The following DIAPH3 variants were observed in gnomAD, a reference collection of about 807,000 sequenced individuals.
DIAPH3 encodes diaphanous related formin 3.
DIAPH3 carries 117 observed loss-of-function variants against 144.3 expected under a neutral mutation model. The observed-to-expected ratio is 0.81, with a 90% CI of 0.70 to 0.95. The LOEUF (loss-of-function observed/expected upper bound fraction) is 0.95, where lower values mean the gene tolerates loss of function less well. DIAPH3 is among the 40% of genes least tolerant of loss of function. The probability of loss-of-function intolerance (pLI) is 0.00; values close to 1 mark genes in which losing one functional copy is unlikely to be tolerated. For synonymous variants in DIAPH3, 519 were observed against 488.9 expected (o/e 1.06, Z -0.81); for missense variants, 1,421 against 1,412.7 (o/e 1.01, Z -0.09).
chr13:59,928,781 T>C (rs1594023929), intron 17 of DIAPH3, among the ~76,000 whole-genome samples: 2 of 152,142 alleles, frequency 1.3e-5, no homozygotes, highest in Admixed American at 6.5e-5. Flanking sequence ...GGCATGTATA[T>C]GGATACCAGC....
chr13:59,771,619 T>C (rs1256178404), intron 27 of DIAPH3, among the ~76,000 whole-genome samples: 3 of 152,016 alleles, frequency 2.0e-5, no homozygotes, highest in Admixed American at 1.3e-4. Context: ...GGAAAGGAAT[T>C]AGACATGGAT....
At chr13:59,695,295 G>A (rs2033740741) in intron 27 of DIAPH3, 1 of 152,172 alleles carries the variant, frequency 6.6e-6, no homozygotes, top group Non-Finnish European at 1.5e-5. Flanking sequence ...GTGCACCCTG[G>A]TGCTTTTGTC....
chr13:60,094,243 C>T (rs2058040339), intron 3 of DIAPH3, among the ~76,000 whole-genome samples: 1 of 152,068 alleles, frequency 6.6e-6, no homozygotes, highest in African/African-American at 2.4e-5. Flanking sequence ...TGTCTTTTCC[C>T]TACTCTTATC....
At chr13:59,991,014 C>A (rs777813886) in intron 12 of DIAPH3, 144 bp downstream of exon 12, 1 of 606,360 alleles carries the variant, frequency 1.6e-6, no homozygotes, top group African/African-American at 1.9e-5. Flanking sequence ...TAAATATATG[C>A]CCAGAGAAAA....
At chr13:60,110,666 T>C (rs945938375) in intron 3 of DIAPH3, among the ~76,000 whole-genome samples, 4 of 152,158 alleles carry the variant, frequency 2.6e-5, no homozygotes, top group African/African-American at 4.8e-5. Context: ...CCTTAGCAAA[T>C]TGGACAGCCC....
chr13:59,776,134 A>G (rs910482022), intron 25 of DIAPH3, among the ~76,000 whole-genome samples: 8 of 152,214 alleles, frequency 5.3e-5, no homozygotes, highest in Non-Finnish European at 1.2e-4. Flanking sequence ...TTGATACACA[A>G]TCCCTTTACA....
chr13:60,092,106 A>G lies in DIAPH3; in HGVS notation c.495+1522T>C. On this transcript the variant is annotated intron_variant, in intron 4 of 27. Transcript: ENST00000400324. ...TCCTCCCACCTTGACTTCTCAAACC[A>G]CCATACCTGCCCATTTAACTCTGAT... Among the ~76,000 whole-genome samples the G allele has an allele frequency of 1.3e-5, 2 of 151,942 alleles. 1 individual carries two copies. The highest frequency in any genetic ancestry group is 3.9e-4 in the East Asian group (2 of 5,170).
At chr13:60,074,221 T>G (rs2057303888) in intron 4 of DIAPH3, among the ~76,000 whole-genome samples, 1 of 152,176 alleles carries the variant, frequency 6.6e-6, no homozygotes, top group Non-Finnish European at 1.5e-5. Context: ...AGGGCCCATA[T>G]ATCACATTGT....
intron 24 of DIAPH3, among the ~76,000 whole-genome samples, chr13:59,830,658 C>A (rs2041724738): frequency 6.6e-6 from 1 of 151,684 alleles, no homozygotes; most frequent in Non-Finnish European, 1.5e-5. Context: ...ATGCCAAAAC[C>A]CTCTAATCCT....
chr13:60,155,417 G>T (rs2138434304), intron 1 of DIAPH3, among the ~76,000 whole-genome samples: 1 of 152,084 alleles, frequency 6.6e-6, no homozygotes, highest in African/African-American at 2.4e-5. Flanking sequence ...CCCCCAAAAA[G>T]CCACTTAATA....
At chr13:59,792,964 T>TG (rs748690520) in intron 25 of DIAPH3, among the ~76,000 whole-genome samples, 7 of 152,220 alleles carry the variant, frequency 4.6e-5, no homozygotes, top group Non-Finnish European at 1.0e-4. Flanking sequence ...AGCACTCCTC[T>TG]GTGTTTCATC....
intron 27 of DIAPH3, among the ~76,000 whole-genome samples, chr13:59,704,442 A>G (rs1161706400): frequency 3.9e-5 from 6 of 152,192 alleles, no homozygotes; most frequent in Admixed American, 3.3e-4. Context: ...CTTGGCAGGA[A>G]TGTTGATCTG....
At chr13:59,951,029 G>T (rs892035664) in intron 17 of DIAPH3, among the ~76,000 whole-genome samples, 1 of 151,978 alleles carries the variant, frequency 6.6e-6, no homozygotes, top group Admixed American at 6.6e-5. Context: ...GGCAGCTTAG[G>T]TAAACAAGCT....
At chr13:59,824,636 G>C (rs916245373) in intron 24 of DIAPH3, among the ~76,000 whole-genome samples, 12 of 152,084 alleles carry the variant, frequency 7.9e-5, no homozygotes, top group African/African-American at 2.9e-4. Flanking sequence ...ATTAAGTTAC[G>C]GGAGAAAGAG....
At chr13:59,703,817 C>T (rs529170243) in intron 27 of DIAPH3, among the ~76,000 whole-genome samples, 2 of 152,084 alleles carry the variant, frequency 1.3e-5, no homozygotes, top group South Asian at 2.1e-4. Flanking sequence ...TCTGGATATT[C>T]TATGTATATA....
chr13:59,849,908 C>T (rs1475019075), intron 22 of DIAPH3, among the ~76,000 whole-genome samples: 1 of 145,698 alleles, frequency 6.9e-6, no homozygotes, highest in Non-Finnish European at 1.5e-5. Flanking sequence ...TTACCTTGGG[C>T]AGTATGGCCA....
At chr13:59,804,212 A>G (rs891158987) in intron 25 of DIAPH3, among the ~76,000 whole-genome samples, 1 of 152,186 alleles carries the variant, frequency 6.6e-6, no homozygotes, top group Non-Finnish European at 1.5e-5. Context: ...GGAAGACCAC[A>G]TGGCTTAAAA....
At chr13:59,874,736 A>G (rs1229992583) in intron 21 of DIAPH3, among the ~76,000 whole-genome samples, 1 of 152,212 alleles carries the variant, frequency 6.6e-6, no homozygotes, top group African/African-American at 2.4e-5. Context: ...CATAAATACC[A>G]ATAAAAATTA....
intron 20 of DIAPH3, among the ~76,000 whole-genome samples, chr13:59,880,336 C>T (rs755885886): frequency 9.9e-5 from 15 of 152,160 alleles, no homozygotes; most frequent in East Asian, 3.9e-4. Context: ...GGACTTAAAA[C>T]GCACTGAAGG....
Sources: gnomAD v4.1 joint callset for allele counts (sites outside exome capture counted in the v4.1 genomes callset) on GRCh38, gnomAD v4.1.1 for gene constraint, MANE v1.5 for transcripts, NCBI Gene and HGNC (gene_info 2026-07-23, HGNC 2026-07-21) for gene names.